SORCS3: variants seen among roughly 807,000 people sequenced by gnomAD.
The protein encoded by SORCS3 is VPS10 domain-containing receptor SorCS3.
A neutral mutation model predicts 146.3 loss-of-function variants in SORCS3; 57 were observed. That is an observed-to-expected ratio of 0.39 (90% CI 0.31 to 0.49). SORCS3 has a LOEUF of 0.49. Ranked by LOEUF, SORCS3 falls within the 20% of genes least tolerant of loss-of-function variation. The pLI is 0.92. For synonymous variants in SORCS3, 653 were observed against 618.5 expected (o/e 1.06, Z -0.83); for missense variants, 1,341 against 1,575.5 (o/e 0.85, Z 2.52).
intron 4 of SORCS3, among the ~76,000 whole-genome samples, chr10:105,026,527 G>A (rs1338058057): frequency 6.6e-6 from 1 of 152,176 alleles, no homozygotes; most frequent in Non-Finnish European, 1.5e-5. Context: ...ACATGCACTT[G>A]TATGTTCATG....
intron 1 of SORCS3, among the ~76,000 whole-genome samples, chr10:104,792,306 G>A (rs1201286888): frequency 1.3e-5 from 2 of 152,132 alleles, no homozygotes; most frequent in Non-Finnish European, 2.9e-5. Context: ...TAGGGAGATG[G>A]TGGAAGATCT....
chr10:104,874,946 C>G (rs999350711), intron 2 of SORCS3, among the ~76,000 whole-genome samples: 1 of 152,188 alleles, frequency 6.6e-6, no homozygotes, highest in Non-Finnish European at 1.5e-5. Flanking sequence ...ACCATAATAA[C>G]TTGAATCCTT....
rs1589627045 is a variant in SORCS3 at position 105,089,719 on chromosome 10, T to C, written c.1029-56T>C. 7 of 1,439,592 alleles carry C rather than the reference T, an allele frequency of 4.9e-6. No homozygotes were observed. In the East Asian group the frequency reaches 6.8e-5, roughly 14 times the overall value. The allele number at this position is 1,439,592 out of a possible 1,614,324, so 89.2% of individuals were successfully genotyped here. A position where few individuals can be genotyped will look rare whatever the true frequency, so the allele number is the denominator to read the frequency against. ...CAGTTGGCCCTGAGTGCATCCCACTTTGCTGTCTGCTATCGGTGTTGTCAC... is the reference window on the plus strand; with the variant it reads ...CAGTTGGCCCTGAGTGCATCCCACTCTGCTGTCTGCTATCGGTGTTGTCAC... On this transcript the variant is annotated intron_variant, in intron 5 of 26. Transcript: ENST00000369701.
chr10:105,012,161 A>T (rs2055139737), intron 4 of SORCS3, among the ~76,000 whole-genome samples: 1 of 152,156 alleles, frequency 6.6e-6, no homozygotes, highest in African/African-American at 2.4e-5. Context: ...TTTTAAGCGC[A>T]TAGAAGGGAT....
chr10:104,988,019 G>T (rs1021794434), intron 4 of SORCS3, among the ~76,000 whole-genome samples: 3 of 152,136 alleles, frequency 2.0e-5, no homozygotes. Flanking sequence ...TCCCATGTGT[G>T]GCACTGACAA....
intron 4 of SORCS3, among the ~76,000 whole-genome samples, chr10:105,017,964 T>C (rs1302948585): frequency 6.6e-6 from 1 of 152,192 alleles, no homozygotes; most frequent in East Asian, 1.9e-4. Context: ...TCTCTGGACC[T>C]AGTTTCTAAG....
At chr10:105,025,837 AAC>A (rs57597161) in intron 4 of SORCS3, among the ~76,000 whole-genome samples, 17,382 of 135,292 alleles carry the variant, frequency 0.13, 1,110 homozygotes, top group South Asian at 0.18. Context: ...TGTCTTCTCA[AAC>A]ACACACACAC....
intron 4 of SORCS3, among the ~76,000 whole-genome samples, chr10:105,029,872 T>C (rs1257473432): frequency 1.3e-5 from 2 of 152,178 alleles, no homozygotes; most frequent in Non-Finnish European, 2.9e-5. Flanking sequence ...TTCTTCCCCA[T>C]TTGCATTAAA....
chr10:105,006,302 C>G (rs937892469), intron 4 of SORCS3, among the ~76,000 whole-genome samples: 4 of 152,112 alleles, frequency 2.6e-5, no homozygotes, highest in African/African-American at 9.7e-5. Flanking sequence ...TCATTTCATA[C>G]CCTGCAATCA....
chr10:104,975,822 A>G (rs1379703653), intron 3 of SORCS3, among the ~76,000 whole-genome samples: 1 of 152,234 alleles, frequency 6.6e-6, no homozygotes, highest in Non-Finnish European at 1.5e-5. Context: ...AGGATTCCCT[A>G]TTTAATAAAT....
chr10:104,660,307 C>T (rs1372918032), intron 1 of SORCS3, among the ~76,000 whole-genome samples: 11 of 126,274 alleles, frequency 8.7e-5, no homozygotes, highest in Admixed American at 7.3e-4. Context: ...TGCATCTGTG[C>T]ATCCTGCCGA....
chr10:105,069,912 C>T (rs536358289), intron 5 of SORCS3, among the ~76,000 whole-genome samples: 2 of 152,280 alleles, frequency 1.3e-5, no homozygotes, highest in Admixed American at 1.3e-4. Context: ...TCCCCCGCCC[C>T]GATCCCAACC....
intron 5 of SORCS3, among the ~76,000 whole-genome samples, chr10:105,085,462 A>G (rs1272140154): frequency 6.6e-6 from 1 of 152,060 alleles, no homozygotes; most frequent in East Asian, 1.9e-4. Context: ...CAAATCTCTT[A>G]CCCCTATCAT....
At chr10:104,919,091 C>T (rs1351575733) in intron 3 of SORCS3, among the ~76,000 whole-genome samples, 4 of 152,144 alleles carry the variant, frequency 2.6e-5, no homozygotes, top group Admixed American at 1.3e-4. Context: ...TTGGAAGGAA[C>T]GTAGAGTTGA....
intron 4 of SORCS3, among the ~76,000 whole-genome samples, chr10:105,025,787 T>C (rs190381139): frequency 6.6e-6 from 1 of 150,978 alleles, no homozygotes; most frequent in East Asian, 2.0e-4. Flanking sequence ...AATTTATAAG[T>C]ATTGGGTGAA....
chr10:104,819,869 G>A (rs1466374316), intron 1 of SORCS3, among the ~76,000 whole-genome samples: 2 of 152,204 alleles, frequency 1.3e-5, no homozygotes, highest in African/African-American at 4.8e-5. Flanking sequence ...AATGCAGAAG[G>A]CAGTGACGTG....
chr10:105,248,888 GAAGTATGAA>G (rs1429704725), intron 22 of SORCS3, among the ~76,000 whole-genome samples: 19 of 152,248 alleles, frequency 1.2e-4, no homozygotes, highest in South Asian at 4.2e-4. Flanking sequence ...TAGGCACTGG[GAAGTATGAA>G]AAGTATGAAA....
At chr10:104,782,778 T>C (rs1038930947) in intron 1 of SORCS3, among the ~76,000 whole-genome samples, 2 of 152,214 alleles carry the variant, frequency 1.3e-5, no homozygotes, top group African/African-American at 4.8e-5. Flanking sequence ...CAGTTTCTTC[T>C]GACCGTGAAA....
intron 1 of SORCS3, among the ~76,000 whole-genome samples, chr10:104,694,007 T>C (rs191793658): frequency 6.6e-6 from 1 of 151,970 alleles, no homozygotes; most frequent in Non-Finnish European, 1.5e-5. Flanking sequence ...ACAGGATGAG[T>C]ACAGGTTTCT....
Sources: gnomAD v4.1 joint callset for allele counts (sites outside exome capture counted in the v4.1 genomes callset) on GRCh38, gnomAD v4.1.1 for gene constraint, MANE v1.5 for transcripts, NCBI Gene and HGNC (gene_info 2026-07-23, HGNC 2026-07-21) for gene names.